GLYATL2: variants seen among roughly 807,000 people sequenced by gnomAD.
The protein encoded by GLYATL2 is glycine-N-acyltransferase like 2.
In GLYATL2, 25 loss-of-function variants were observed where a neutral mutation model predicts 21.4. That is an observed-to-expected ratio of 1.17 (90% CI 0.85 to 1.63). GLYATL2 has a LOEUF of 1.63. GLYATL2 is among the 40% of genes most tolerant of loss of function. The pLI is 0.00. For missense variants in GLYATL2, 361 were observed against 343.3 expected (o/e 1.05, Z -0.41); for synonymous variants, 114 against 118.2 (o/e 0.96, Z 0.23).
intron 1 of GLYATL2, among the ~76,000 whole-genome samples, chr11:58,881,894 A>G (rs896404773): frequency 2.6e-5 from 4 of 152,154 alleles, no homozygotes; most frequent in East Asian, 1.9e-4. Context: ...AGCTTCATCA[A>G]TGTCCCTACA....
At chr11:58,872,286 T>C (rs1854136840) in intron 1 of GLYATL2, among the ~76,000 whole-genome samples, 1 of 152,244 alleles carries the variant, frequency 6.6e-6, no homozygotes, top group Admixed American at 6.5e-5. Flanking sequence ...CTCTTTAGTT[T>C]AATTAGATCC....
At chr11:58,837,676 C>A (rs761792573) in intron 3 of GLYATL2, among the ~76,000 whole-genome samples, 46 of 152,096 alleles carry the variant, frequency 3.0e-4, no homozygotes, top group Admixed American at 7.2e-4. Context: ...GTATGTTAAG[C>A]ATTTAAAAGT....
intron 1 of GLYATL2, among the ~76,000 whole-genome samples, chr11:58,882,300 G>C (rs1459009715): frequency 6.6e-6 from 1 of 152,154 alleles, no homozygotes; most frequent in Non-Finnish European, 1.5e-5. Context: ...GTATCTCGTT[G>C]TGGTTTTGAT....
chr11:58,863,689 A>C (rs1590731465), intron 1 of GLYATL2, among the ~76,000 whole-genome samples: 1 of 152,054 alleles, frequency 6.6e-6, no homozygotes, highest in Non-Finnish European at 1.5e-5. Flanking sequence ...AATGGCCTGG[A>C]GGTTGGGTGT....
chr11:58,885,728 C>T (rs537172569), intron 1 of GLYATL2, among the ~76,000 whole-genome samples: 3 of 152,276 alleles, frequency 2.0e-5, no homozygotes, highest in East Asian at 1.9e-4. Context: ...GCACAGGACT[C>T]TTCTGGGAAA....
intron 1 of GLYATL2, among the ~76,000 whole-genome samples, chr11:58,842,195 A>T (rs1853565281): frequency 6.6e-6 from 1 of 152,194 alleles, no homozygotes; most frequent in South Asian, 2.1e-4. Context: ...ATCGTCAATG[A>T]TAATTCTCAG....
At position 58,834,724 on chromosome 11, in the gene GLYATL2, T is replaced by G; in HGVS notation, c.590A>C (p.Gln197Pro). 9 of 1,613,894 alleles carry G rather than the reference T, an allele frequency of 5.6e-6. No individual in the cohort carries two copies. The highest frequency in any genetic ancestry group is 7.6e-6 in the Non-Finnish European group (9 of 1,180,010). The change falls in exon 6 of 6, where the codon CAG (glutamine) becomes CCG (proline). Residue 197 changes from glutamine (Q) to proline (P), a missense_variant. By Grantham distance (76) the Gln-to-Pro change is moderately conservative. Transcript: ENST00000287275. ...CAGCACACCAAATCCTAGAAAATCC[T>G]GGAGGCAGCGTTCAATATATTTCAA... ...RSLKYIERCLQDFLGFGVLGP... is the reference protein window; with the variant it reads ...RSLKYIERCLPDFLGFGVLGP...
upstream of GLYATL2, chr11:58,905,579 C>T (rs1238264542): frequency 2.2e-6 from 1 of 456,348 alleles, no homozygotes; most frequent in South Asian, 1.5e-5. Context: ...GGCTGCCGCG[C>T]AACCCCTCCT....
chr11:58,874,212 C>G (rs905584194), intron 1 of GLYATL2, among the ~76,000 whole-genome samples: 1 of 152,024 alleles, frequency 6.6e-6, no homozygotes, highest in Non-Finnish European at 1.5e-5. Context: ...AGTGGTCTAT[C>G]AATTTTGTTG....
rs117031426 is a variant in GLYATL2 at position 58,840,946 on chromosome 11, G to A, written c.-40-1294C>T. 113 of 151,518 alleles carry A rather than the reference G, an allele frequency of 7.5e-4. 2 individuals carry two copies. In the East Asian group the frequency reaches 0.019, roughly 26 times the overall value. 9.4% of individuals were successfully genotyped at this position (151,518 alleles called of 1,614,324 possible). A position where few individuals can be genotyped will look rare whatever the true frequency, so the allele number is the denominator to read the frequency against. Reference sequence around the variant, plus strand: ...TGGTTATCTGTGTATATGTACATTTGCATATACCCACCTGAAAGTCTTTCT... The same window carrying A: ...TGGTTATCTGTGTATATGTACATTTACATATACCCACCTGAAAGTCTTTCT... On this transcript the variant is annotated intron_variant, in intron 1 of 5. Coordinates refer to ENST00000287275, the MANE Select transcript of GLYATL2 (RefSeq NM_145016.4).
intron 1 of GLYATL2, among the ~76,000 whole-genome samples, chr11:58,878,005 T>C (rs1854269587): frequency 6.6e-6 from 1 of 152,210 alleles, no homozygotes; most frequent in African/African-American, 2.4e-5. Context: ...CAACCACTGA[T>C]AGACTGCTGA....
intron 1 of GLYATL2, among the ~76,000 whole-genome samples, chr11:58,864,970 A>G (rs1466350867): frequency 2.0e-5 from 3 of 149,056 alleles, no homozygotes; most frequent in Non-Finnish European, 3.0e-5. Flanking sequence ...ACACATATAT[A>G]CACACAATAA....
intron 1 of GLYATL2, chr11:58,885,019 C>A: frequency 6.4e-6 from 1 of 155,086 alleles, no homozygotes; most frequent in South Asian, 1.9e-4. Flanking sequence ...TCCTGAGTCC[C>A]TGAAGGTGAG....
At chr11:58,875,921 G>A (rs563892332) in intron 1 of GLYATL2, among the ~76,000 whole-genome samples, 88 of 152,278 alleles carry the variant, frequency 5.8e-4, no homozygotes, top group African/African-American at 2.1e-3. Flanking sequence ...TCACTTTCAG[G>A]TACACCAGTT....
In GLYATL2 at chr11:58,838,323, T is replaced by G. The variant is rs184265394; in HGVS notation, c.124A>C (p.Met42Leu). Reference protein sequence around the residue: ...FNIKDKNPFNMEVLVDAWPDY... With the variant: ...FNIKDKNPFNLEVLVDAWPDY... ...GGCCAGGCATCTACCAGCACCTCCA[T>G]GTTGAAAGGGTTTTTATCTTTTATG... The change falls in exon 3 of 6, where the codon ATG (methionine) becomes CTG (leucine). Residue 42 changes from methionine (M) to leucine (L), a missense_variant. Physicochemically the swap from Met to Leu is conservative, Grantham distance 15. Coordinates refer to ENST00000287275, the MANE Select transcript of GLYATL2 (RefSeq NM_145016.4). The G allele has an allele frequency of 1.1e-4, 172 of 1,613,396 alleles. 1 individual carries two copies. The highest frequency in any genetic ancestry group is 8.3e-4 in the Middle Eastern group (5 of 6,058).
At chr11:58,885,859 G>A (rs1416743306) in intron 1 of GLYATL2, among the ~76,000 whole-genome samples, 2 of 152,144 alleles carry the variant, frequency 1.3e-5, no homozygotes, top group Non-Finnish European at 2.9e-5. Flanking sequence ...GAAAAGTTCG[G>A]TGTCTGAGAT....
intron 1 of GLYATL2, among the ~76,000 whole-genome samples, chr11:58,900,396 AC>A (rs938380116): frequency 3.9e-5 from 6 of 152,034 alleles, no homozygotes; most frequent in Admixed American, 3.3e-4. Flanking sequence ...TTGCGAAAAA[AC>A]CTATGGAAGG....
intron 1 of GLYATL2, among the ~76,000 whole-genome samples, chr11:58,877,061 G>A (rs1590741342): frequency 6.6e-6 from 1 of 152,350 alleles, no homozygotes; most frequent in Admixed American, 6.5e-5. Context: ...AATGAGTGAG[G>A]CTCGGTAGGC....
chr11:58,849,471 A>G, upstream of GLYATL2, among the ~76,000 whole-genome samples: 1 of 152,192 alleles, frequency 6.6e-6, no homozygotes, highest in Admixed American at 6.5e-5. Context: ...TTCTAGACAC[A>G]TATGATCCAC....
Sources: allele counts gnomAD v4.1 joint callset (sites outside exome capture counted in the v4.1 genomes callset), GRCh38; gene constraint gnomAD v4.1.1; transcripts MANE v1.5; gene names NCBI Gene and HGNC (gene_info 2026-07-23, HGNC 2026-07-21).